Variants in MDFIC2 observed in about 807,000 individuals in gnomAD.
MDFIC2 encodes the protein myoD family inhibitor domain-containing protein 2.
intron 2 of MDFIC2, among the ~76,000 whole-genome samples, chr3:70,247,704 T>C (rs1298471331): frequency 6.6e-6 from 1 of 151,934 alleles, no homozygotes; most frequent in Admixed American, 6.6e-5. Flanking sequence ...TTCTACTGTA[T>C]ACATGCTATG....
chr3:70,311,917 A>G lies in MDFIC2; in HGVS notation c.57T>C (p.Asn19=). 2 of 397,780 alleles carry G rather than the reference A, an allele frequency of 5.0e-6. No individual in the cohort carries two copies. Among genetic ancestry groups the G allele is most frequent in the Non-Finnish European group, 8.9e-6 (2 of 225,618 alleles). The allele number at this position is 397,780 out of a possible 1,614,324, so 24.6% of individuals were successfully genotyped here. A position where few individuals can be genotyped will look rare whatever the true frequency, so the allele number is the denominator to read the frequency against. Residue 19 remains asparagine (N), a synonymous_variant, in exon 2 of 4, where the codon AAT becomes AAC. Coordinates refer to ENST00000567252, the MANE Select transcript of MDFIC2 (RefSeq NM_001364677.1). Reference sequence around the variant, plus strand: ...TCAACCAAGAAATGTTATTTTTATCATTTTCTAAATGCTCAGCTGTTCTTA... The same window carrying G: ...TCAACCAAGAAATGTTATTTTTATCGTTTTCTAAATGCTCAGCTGTTCTTA... ...IKVRTAEHLE[N]DKNNISWLKE... is the part of the protein sequence containing the mutation.
chr3:70,215,297 T>C (rs1304579180), intron 2 of MDFIC2, among the ~76,000 whole-genome samples: 1 of 152,078 alleles, frequency 6.6e-6, no homozygotes, highest in Non-Finnish European at 1.5e-5. Context: ...ACTTACGTCT[T>C]CTAATTCCTA....
At chr3:70,219,197 C>T (rs1055481163) in intron 2 of MDFIC2, among the ~76,000 whole-genome samples, 7 of 152,156 alleles carry the variant, frequency 4.6e-5, no homozygotes, top group Non-Finnish European at 1.0e-4. Flanking sequence ...AACAAGAATG[C>T]TCACATCTGC....
chr3:70,293,476 T>A (rs1199590111), intron 2 of MDFIC2, among the ~76,000 whole-genome samples: 1 of 152,048 alleles, frequency 6.6e-6, no homozygotes, highest in African/African-American at 2.4e-5. Flanking sequence ...AGTGACAAAA[T>A]CACAGGCGAT....
At chr3:70,209,248 T>G (rs963662711) in intron 2 of MDFIC2, among the ~76,000 whole-genome samples, 2 of 152,048 alleles carry the variant, frequency 1.3e-5, no homozygotes, top group African/African-American at 4.8e-5. Context: ...AGTGGTATCG[T>G]AGTCTTTTAT....
intron 2 of MDFIC2, chr3:70,302,464 A>G (rs1304267620): frequency 6.6e-6 from 1 of 152,156 alleles, no homozygotes; most frequent in African/African-American, 2.4e-5. Flanking sequence ...TCCTCTCACT[A>G]TAAGACTGCT....
intron 3 of MDFIC2, among the ~76,000 whole-genome samples, chr3:70,200,842 G>T: frequency 6.6e-6 from 1 of 152,004 alleles, no homozygotes; most frequent in Non-Finnish European, 1.5e-5. Context: ...CCAACTGTAA[G>T]ATCGTAGAGC....
At chr3:70,287,906 C>A (rs992062079) in intron 2 of MDFIC2, among the ~76,000 whole-genome samples, 12 of 152,098 alleles carry the variant, frequency 7.9e-5, no homozygotes, top group African/African-American at 2.9e-4. Context: ...GTGGTGACAT[C>A]CCCTTTATCA....
At chr3:70,241,015 C>A (rs951359756) in intron 2 of MDFIC2, among the ~76,000 whole-genome samples, 1 of 151,984 alleles carries the variant, frequency 6.6e-6, no homozygotes, top group Non-Finnish European at 1.5e-5. Flanking sequence ...TTTTCGTGTC[C>A]ACCCATTTTT....
At chr3:70,275,216 A>T (rs1446294106) in intron 2 of MDFIC2, among the ~76,000 whole-genome samples, 1 of 152,218 alleles carries the variant, frequency 6.6e-6, no homozygotes, top group African/African-American at 2.4e-5. Context: ...AATAGCATTC[A>T]TGATGATTAA....
chr3:70,200,359 C>T (rs1701225818), intron 3 of MDFIC2, among the ~76,000 whole-genome samples: 1 of 152,192 alleles, frequency 6.6e-6, no homozygotes, highest in Non-Finnish European at 1.5e-5. Context: ...TGATTGGATT[C>T]CTGCCTATTT....
chr3:70,226,003 A>G (rs934680654), intron 2 of MDFIC2, among the ~76,000 whole-genome samples: 1 of 152,124 alleles, frequency 6.6e-6, no homozygotes, highest in Non-Finnish European at 1.5e-5. Flanking sequence ...TAATTTTTCA[A>G]TTCCTCTCTA....
At chr3:70,228,156 C>T (rs540770851) in intron 2 of MDFIC2, among the ~76,000 whole-genome samples, 9 of 151,978 alleles carry the variant, frequency 5.9e-5, no homozygotes, top group African/African-American at 2.2e-4. Flanking sequence ...GTTGTCTTTA[C>T]TGTCCTTAAT....
At chr3:70,201,997 T>C (rs949790886) in intron 3 of MDFIC2, among the ~76,000 whole-genome samples, 3 of 152,192 alleles carry the variant, frequency 2.0e-5, no homozygotes, top group Admixed American at 2.0e-4. Context: ...CTTTTATCTC[T>C]CTCTGAATGT....
chr3:70,285,093 C>T (rs1702129937), intron 2 of MDFIC2, among the ~76,000 whole-genome samples: 2 of 149,924 alleles, frequency 1.3e-5, no homozygotes, highest in Admixed American at 1.3e-4. Context: ...TTTTAGGGTA[C>T]ATGTGCACAT....
intron 2 of MDFIC2, chr3:70,249,272 T>C (rs1701737202): frequency 6.6e-6 from 1 of 152,162 alleles, no homozygotes; most frequent in Admixed American, 6.5e-5. Flanking sequence ...GATTCATTCA[T>C]TCATTCACAA....
chr3:70,301,642 A>G (rs1476369870), intron 2 of MDFIC2, among the ~76,000 whole-genome samples: 1 of 152,090 alleles, frequency 6.6e-6, no homozygotes, highest in Admixed American at 6.6e-5. Flanking sequence ...GTTTGCACAT[A>G]TTGGTCTAAC....
chr3:70,283,288 G>T (rs1352867336), intron 2 of MDFIC2, among the ~76,000 whole-genome samples: 4 of 151,892 alleles, frequency 2.6e-5, no homozygotes, highest in Admixed American at 6.6e-5. Flanking sequence ...CTTTTTGGTT[G>T]GTCTGTGTTT....
chr3:70,275,565 C>A (rs996246506), intron 2 of MDFIC2, among the ~76,000 whole-genome samples: 2 of 152,070 alleles, frequency 1.3e-5, no homozygotes, highest in African/African-American at 4.8e-5. Context: ...GGAATTCAGT[C>A]CTTGGGACTG....
Sources: allele counts gnomAD v4.1 joint callset (sites outside exome capture counted in the v4.1 genomes callset), GRCh38; gene constraint gnomAD v4.1.1; transcripts MANE v1.5; gene names NCBI Gene and HGNC (gene_info 2026-07-23, HGNC 2026-07-21).